Variants in CLSTN2 observed in about 807,000 individuals in gnomAD.
CLSTN2 encodes calsyntenin-2.
CLSTN2 carries 48 observed loss-of-function variants against 101.2 expected under a neutral mutation model. The ratio of observed to expected loss-of-function variants is 0.47; its 90% CI spans 0.38 to 0.60. The LOEUF (loss-of-function observed/expected upper bound fraction) is 0.60. Among genes scored for constraint, CLSTN2 ranks in the 20% least tolerant of loss-of-function variants. The pLI is 0.00. For synonymous variants in CLSTN2, 481 were observed against 463.6 expected, an observed-to-expected ratio of 1.04 and a Z score of -0.48; for missense variants, 1,160 against 1,238.2, an observed-to-expected ratio of 0.94 and a Z score of 0.95.
In CLSTN2 at chr3:140,573,830, C is replaced by G. The variant is rs924705844; in HGVS notation, c.*7577C>G. On this transcript the variant is annotated 3_prime_UTR_variant, in exon 17 of 17. Coordinates refer to ENST00000458420, the MANE Select transcript of CLSTN2 (RefSeq NM_022131.3). ...CCTCCTGAATGGCCCAAAGACACCC[C>G]TGTTTCTGGGGAACAGAAGGGAGCT... 2.6e-5 allele frequency: 4 copies of G among 152,250 alleles called. No homozygotes were observed. The highest frequency in any genetic ancestry group is 6.5e-5 in the Admixed American group (1 of 15,268). 9.4% of individuals were successfully genotyped at this position (152,250 alleles called of 1,614,324 possible).
At chr3:140,059,448 T>C (rs2008157675) in intron 1 of CLSTN2, among the ~76,000 whole-genome samples, 1 of 151,954 alleles carries the variant, frequency 6.6e-6, no homozygotes, top group African/African-American at 2.4e-5. Flanking sequence ...ACAGGTGTGT[T>C]CCTGATGGAG....
intron 1 of CLSTN2, among the ~76,000 whole-genome samples, chr3:139,964,201 C>T (rs1402526261): frequency 6.6e-6 from 1 of 152,178 alleles, no homozygotes; most frequent in African/African-American, 2.4e-5. Context: ...ACGATATCAG[C>T]AGCCGTACTC....
intron 5 of CLSTN2, among the ~76,000 whole-genome samples, chr3:140,446,348 C>G (rs1178444946): frequency 6.6e-6 from 1 of 152,118 alleles, no homozygotes. Flanking sequence ...ATCCAAACAT[C>G]CTCTTATTAT....
At chr3:140,556,164 G>A (rs1289917158) in intron 10 of CLSTN2, among the ~76,000 whole-genome samples, 1 of 152,202 alleles carries the variant, frequency 6.6e-6, no homozygotes, top group Admixed American at 6.5e-5. Flanking sequence ...AGTTCTGAGT[G>A]GTCCAGACCA....
At chr3:139,985,108 G>A (rs1936000342) in intron 1 of CLSTN2, among the ~76,000 whole-genome samples, 1 of 152,116 alleles carries the variant, frequency 6.6e-6, no homozygotes. Flanking sequence ...CTGTTACATG[G>A]TCTCCTGCTC....
chr3:140,496,825 G>A (rs1048415332), intron 8 of CLSTN2, among the ~76,000 whole-genome samples: 8 of 152,104 alleles, frequency 5.3e-5, no homozygotes, highest in African/African-American at 1.4e-4. Flanking sequence ...CAGTCTAGCC[G>A]GGCGCGGTGG....
chr3:140,427,266 A>T (rs1274625271), intron 5 of CLSTN2, among the ~76,000 whole-genome samples: 1 of 140,134 alleles, frequency 7.1e-6, no homozygotes, highest in Non-Finnish European at 1.5e-5. Context: ...TACATAAATT[A>T]AAAAATAAAG....
At chr3:140,342,607 G>A (rs905214339) in intron 2 of CLSTN2, among the ~76,000 whole-genome samples, 3 of 152,090 alleles carry the variant, frequency 2.0e-5, no homozygotes, top group Non-Finnish European at 4.4e-5. Flanking sequence ...ATGAGAGAAA[G>A]CAATGATCAT....
intron 8 of CLSTN2, among the ~76,000 whole-genome samples, chr3:140,511,394 T>C (rs548215149): frequency 1.3e-3 from 191 of 152,282 alleles, no homozygotes; most frequent in African/African-American, 4.4e-3. Context: ...AGTAATGAAA[T>C]TGCTGGGTCA....
At chr3:140,383,649 C>T (rs1419525925) in intron 2 of CLSTN2, among the ~76,000 whole-genome samples, 1 of 152,124 alleles carries the variant, frequency 6.6e-6, no homozygotes, top group Non-Finnish European at 1.5e-5. Context: ...ATTAAATTAT[C>T]CTGGGCCTTC....
At chr3:139,968,454 G>C (rs1200064783) in intron 1 of CLSTN2, among the ~76,000 whole-genome samples, 3 of 152,180 alleles carry the variant, frequency 2.0e-5, no homozygotes, top group Non-Finnish European at 2.9e-5. Flanking sequence ...AAAAGGGCTT[G>C]TGGGAGTAGA....
intron 2 of CLSTN2, among the ~76,000 whole-genome samples, chr3:140,245,652 C>T (rs1257580604): frequency 3.2e-5 from 1 of 31,198 alleles, no homozygotes; most frequent in Non-Finnish European, 8.0e-5. Flanking sequence ...ACCATTAGCT[C>T]CGCCCTCCCA....
At chr3:140,115,188 T>C (rs980072502) in intron 1 of CLSTN2, among the ~76,000 whole-genome samples, 4 of 152,126 alleles carry the variant, frequency 2.6e-5, no homozygotes, top group Admixed American at 2.6e-4. Context: ...GAGGGGGAGA[T>C]ATGGAAACTA....
chr3:140,180,206 A>C (rs907678668), intron 2 of CLSTN2, among the ~76,000 whole-genome samples: 29 of 152,200 alleles, frequency 1.9e-4, no homozygotes, highest in Non-Finnish European at 3.5e-4. Flanking sequence ...GGCAGGGGAG[A>C]TAACTAACTC....
intron 1 of CLSTN2, among the ~76,000 whole-genome samples, chr3:140,131,333 G>C (rs2009520520): frequency 6.6e-6 from 1 of 151,584 alleles, no homozygotes; most frequent in Admixed American, 6.6e-5. Flanking sequence ...GATTCTCTAA[G>C]GTCATTTTTT....
intron 4 of CLSTN2, 32 bp from the exon 5 acceptor site, chr3:140,421,093 C>A (rs1168627549): frequency 6.2e-7 from 1 of 1,605,498 alleles, no homozygotes; most frequent in East Asian, 2.2e-5. Flanking sequence ...TTAAATTGAC[C>A]TGAAATGCTT....
chr3:140,378,224 G>A (rs1028654503), intron 2 of CLSTN2, among the ~76,000 whole-genome samples: 3 of 152,152 alleles, frequency 2.0e-5, no homozygotes, highest in African/African-American at 4.8e-5. Flanking sequence ...TATCCCTATC[G>A]TTAAGTGACA....
intron 2 of CLSTN2, among the ~76,000 whole-genome samples, chr3:140,293,124 G>T (rs2086970139): frequency 6.6e-6 from 1 of 152,216 alleles, no homozygotes; most frequent in South Asian, 2.1e-4. Flanking sequence ...GCCCAGTTGT[G>T]CAAGCTGAAT....
intron 1 of CLSTN2, among the ~76,000 whole-genome samples, chr3:140,115,094 G>T (rs544646308): frequency 6.6e-6 from 1 of 152,324 alleles, no homozygotes; most frequent in East Asian, 1.9e-4. Flanking sequence ...CTGAAAGGAA[G>T]AAACAATAGC....
Sources: gnomAD v4.1 joint callset for allele counts (sites outside exome capture counted in the v4.1 genomes callset) on GRCh38, gnomAD v4.1.1 for gene constraint, MANE v1.5 for transcripts, NCBI Gene and HGNC (gene_info 2026-07-23, HGNC 2026-07-21) for gene names.